CHCHD3: variants seen among roughly 807,000 people sequenced by gnomAD.
CHCHD3 encodes coiled-coil-helix-coiled-coil-helix domain containing 3.
A neutral mutation model predicts 38.2 loss-of-function variants in CHCHD3; 20 were observed. The ratio of observed to expected loss-of-function variants is 0.52; its 90% CI spans 0.37 to 0.76. The LOEUF (loss-of-function observed/expected upper bound fraction) is 0.76, where lower values mean the gene tolerates loss of function less well. Among genes scored for constraint, CHCHD3 ranks in the 30% least tolerant of loss-of-function variants. The pLI is 0.00. For synonymous variants in CHCHD3, 82 were observed against 100.0 expected, an observed-to-expected ratio of 0.82 and a Z score of 1.07; for missense variants, 245 against 279.2, an observed-to-expected ratio of 0.88 and a Z score of 0.87.
At chr7:132,899,097 C>G (rs903393820) in intron 4 of CHCHD3, among the ~76,000 whole-genome samples, 1 of 152,256 alleles carries the variant, frequency 6.6e-6, no homozygotes, top group South Asian at 2.1e-4. Context: ...TGCCACCAAA[C>G]TGGGAGCCCA....
At position 132,917,089 on chromosome 7, in the gene CHCHD3, C is replaced by T. The variant is rs186853706; in HGVS notation, c.370-31344G>A. Among the ~76,000 whole-genome samples, 8 of 152,288 alleles carry T rather than the reference C, an allele frequency of 5.3e-5. No individual in the cohort carries two copies. The East Asian group carries it at 1.2e-3, about 22-fold the overall frequency. ...CAGACTGAATCCAAGTTTATGACTG[C>T]ATTGTTGTTTTTAAAAATTACAATC... On this transcript the variant is annotated intron_variant, in intron 4 of 7. Transcript: ENST00000262570.
chr7:133,008,620 G>A (rs1812771701), intron 3 of CHCHD3, among the ~76,000 whole-genome samples: 1 of 151,910 alleles, frequency 6.6e-6, no homozygotes. Flanking sequence ...AAATGTCTGA[G>A]ACAAATTTAA....
intron 4 of CHCHD3, among the ~76,000 whole-genome samples, chr7:132,889,784 A>G (rs1398299999): frequency 6.6e-6 from 1 of 152,226 alleles, no homozygotes; most frequent in Non-Finnish European, 1.5e-5. Context: ...AACTTAAATA[A>G]GCCTAGAATA....
At chr7:132,829,476 A>C (rs1236694401) in intron 6 of CHCHD3, among the ~76,000 whole-genome samples, 2 of 152,186 alleles carry the variant, frequency 1.3e-5, no homozygotes, top group African/African-American at 4.8e-5. Flanking sequence ...TTGTTAGCTC[A>C]CACAGAACGA....
intron 6 of CHCHD3, among the ~76,000 whole-genome samples, chr7:132,815,108 C>T (rs748781099): frequency 3.3e-5 from 5 of 152,174 alleles, no homozygotes; most frequent in Admixed American, 6.5e-5. Flanking sequence ...GGCATTTCAA[C>T]GTGATGGCAA....
intron 5 of CHCHD3, among the ~76,000 whole-genome samples, chr7:132,841,428 CAAA>C (rs10599275): frequency 0.23 from 32,389 of 140,808 alleles, 3,776 homozygotes; most frequent in South Asian, 0.27. Context: ...ACAACAACAA[CAAA>C]AAAAAAAAAA....
rs141767873 is a variant in CHCHD3, at chr7:132,918,090, G to C, written c.370-32345C>G. 2.3e-3 allele frequency among the ~76,000 whole-genome samples: 345 copies of C among 152,198 alleles called. 1 individual carries two copies. The highest frequency in any genetic ancestry group is 3.8e-3 in the Non-Finnish European group (261 of 68,014). On this transcript the variant is annotated intron_variant, in intron 4 of 7. Coordinates refer to ENST00000262570, the MANE Select transcript of CHCHD3 (RefSeq NM_017812.4). ...CTAAACTAAAGCTAATTCATTCTGT[G>C]ACAACCCCCAGGTTTGATTCTAATA...
At chr7:132,901,666 GT>G (rs1174260907) in intron 4 of CHCHD3, among the ~76,000 whole-genome samples, 1 of 152,150 alleles carries the variant, frequency 6.6e-6, no homozygotes, top group East Asian at 1.9e-4. Context: ...GGGGTTGATT[GT>G]TTTTTTCTTG....
chr7:133,043,849 C>A (rs1406628095), intron 2 of CHCHD3, among the ~76,000 whole-genome samples: 4 of 152,070 alleles, frequency 2.6e-5, no homozygotes, highest in African/African-American at 7.2e-5. Flanking sequence ...TGAAGAGCAA[C>A]CTTTCTAAGA....
intron 4 of CHCHD3, among the ~76,000 whole-genome samples, chr7:132,899,236 G>A (rs912259474): frequency 2.0e-5 from 3 of 152,334 alleles, no homozygotes; most frequent in Admixed American, 6.5e-5. Context: ...GAGAGAAGGA[G>A]CAGAAGAAAG....
At chr7:133,002,872 G>A (rs887968072) in intron 3 of CHCHD3, among the ~76,000 whole-genome samples, 3 of 152,010 alleles carry the variant, frequency 2.0e-5, no homozygotes, top group Non-Finnish European at 4.4e-5. Flanking sequence ...CTTTCCATTG[G>A]TTTAAATAGC....
At chr7:132,984,189 A>C (rs912986934) in intron 3 of CHCHD3, among the ~76,000 whole-genome samples, 2 of 151,476 alleles carry the variant, frequency 1.3e-5, no homozygotes, top group Admixed American at 1.3e-4. Context: ...CAGCCTGCCG[A>C]GTGCCTGCGA....
At chr7:132,950,070 A>T (rs575751115) in intron 4 of CHCHD3, among the ~76,000 whole-genome samples, 11 of 152,324 alleles carry the variant, frequency 7.2e-5, no homozygotes, top group Admixed American at 1.3e-4. Flanking sequence ...AGTAGATATT[A>T]AAAAAGAGCA....
chr7:132,789,316 C>T (rs907828183), intron 7 of CHCHD3, among the ~76,000 whole-genome samples: 1 of 152,216 alleles, frequency 6.6e-6, no homozygotes, highest in African/African-American at 2.4e-5. Flanking sequence ...TGCTTTTGCT[C>T]ATCATTCACG....
At chr7:132,826,433 T>C (rs994573804) in intron 6 of CHCHD3, among the ~76,000 whole-genome samples, 4 of 152,240 alleles carry the variant, frequency 2.6e-5, no homozygotes, top group African/African-American at 9.6e-5. Flanking sequence ...AAACACTAGC[T>C]GAGGTGACTT....
At chr7:132,921,950 G>A (rs748386337) in intron 4 of CHCHD3, among the ~76,000 whole-genome samples, 12 of 152,156 alleles carry the variant, frequency 7.9e-5, no homozygotes, top group African/African-American at 2.9e-4. Flanking sequence ...GACTTAACAA[G>A]AGCAAATGAC....
At chr7:132,899,008 C>CT (rs1809595086) in intron 4 of CHCHD3, among the ~76,000 whole-genome samples, 1 of 152,222 alleles carries the variant, frequency 6.6e-6, no homozygotes, top group Non-Finnish European at 1.5e-5. Context: ...TCCCTACAAG[C>CT]TGAGGGAGCG....
At chr7:132,968,456 G>A (rs1811531756) in intron 4 of CHCHD3, among the ~76,000 whole-genome samples, 1 of 152,180 alleles carries the variant, frequency 6.6e-6, no homozygotes, top group African/African-American at 2.4e-5. Flanking sequence ...TTCAATAGTT[G>A]TCAAAAGCAA....
rs146260072 is a variant in CHCHD3 at position 133,071,021 on chromosome 7, G to A, written c.82-792C>T. 1.8e-4 allele frequency among the ~76,000 whole-genome samples: 27 copies of A among 152,326 alleles called. No homozygotes were observed. The East Asian group carries it at 4.4e-3, about 25-fold the overall frequency. On this transcript the variant is annotated intron_variant, in intron 1 of 7. Transcript: ENST00000262570. Reference sequence around the variant, plus strand: ...AAAGTACAGATGAAAACCAGAATTTGCCACCGTTAGACATCCAAGTGGAGA... The same window carrying A: ...AAAGTACAGATGAAAACCAGAATTTACCACCGTTAGACATCCAAGTGGAGA...
Sources: gnomAD v4.1 joint callset for allele counts (sites outside exome capture counted in the v4.1 genomes callset) on GRCh38, gnomAD v4.1.1 for gene constraint, MANE v1.5 for transcripts, NCBI Gene and HGNC (gene_info 2026-07-23, HGNC 2026-07-21) for gene names.